The following TYW1B variants were observed in gnomAD, a reference collection of about 807,000 sequenced individuals.
The protein encoded by TYW1B is S-adenosyl-L-methionine-dependent tRNA 4-demethylwyosine synthase TYW1B.
A neutral mutation model predicts 86.9 loss-of-function variants in TYW1B; 73 were observed. That is an observed-to-expected ratio of 0.84 (90% CI 0.70 to 1.02). The LOEUF is 1.02. Among genes scored for constraint, TYW1B ranks in the 50% least tolerant of loss-of-function variants. TYW1B has a pLI of 0.00. For missense variants in TYW1B, 637 were observed against 827.4 expected, an observed-to-expected ratio of 0.77 and a Z score of 2.82; for synonymous variants, 248 against 292.8, an observed-to-expected ratio of 0.85 and a Z score of 1.56.
intron 11 of TYW1B, among the ~76,000 whole-genome samples, chr7:72,637,702 A>C (rs1812705868): frequency 1.3e-5 from 2 of 151,908 alleles, no homozygotes; most frequent in African/African-American, 2.4e-5. Context: ...AAAAAAAAAA[A>C]AAAACATTGT....
At chr7:72,749,921 T>G (rs184995321) in intron 7 of TYW1B, among the ~76,000 whole-genome samples, 1 of 148,426 alleles carries the variant, frequency 6.7e-6, no homozygotes, top group Non-Finnish European at 1.5e-5. Context: ...TGTTTTTTTT[T>G]TTTTTTTGAG....
intron 13 of TYW1B, among the ~76,000 whole-genome samples, chr7:72,586,739 AAAT>A (rs375819364): frequency 1.7e-4 from 26 of 148,616 alleles, no homozygotes; most frequent in African/African-American, 2.5e-4. Flanking sequence ...GCCCATCTCA[AAAT>A]AATAATAATA....
intron 13 of TYW1B, among the ~76,000 whole-genome samples, chr7:72,584,482 G>A (rs1239734762): frequency 9.3e-5 from 14 of 150,586 alleles, no homozygotes; most frequent in African/African-American, 3.4e-4. Context: ...TTTTGAGATG[G>A]AGTCTCACTC....
chr7:72,586,566 G>A (rs1286531211), intron 13 of TYW1B, among the ~76,000 whole-genome samples: 4 of 152,072 alleles, frequency 2.6e-5, no homozygotes, highest in South Asian at 2.1e-4. Context: ...GTGAAACCCC[G>A]TCTCTACTAA....
chr7:72,693,253 T>C (rs1236656108), intron 11 of TYW1B, among the ~76,000 whole-genome samples: 1 of 152,024 alleles, frequency 6.6e-6, no homozygotes, highest in Non-Finnish European at 1.5e-5. Context: ...AAAAGGAAGC[T>C]AAGTATGCCA....
At chr7:72,743,928 T>G (rs1787350018) in intron 8 of TYW1B, among the ~76,000 whole-genome samples, 1 of 152,018 alleles carries the variant, frequency 6.6e-6, no homozygotes. Context: ...GGCAGAATTG[T>G]GCAATTTAGC....
chr7:72,804,913 C>T (rs758660038), intron 5 of TYW1B, among the ~76,000 whole-genome samples: 2 of 152,152 alleles, frequency 1.3e-5, no homozygotes, highest in Non-Finnish European at 2.9e-5. Context: ...GATAACTTCT[C>T]CTTAGACTCA....
chr7:72,808,114 A>T (rs1445503622), intron 4 of TYW1B, among the ~76,000 whole-genome samples: 6 of 151,808 alleles, frequency 4.0e-5, no homozygotes, highest in South Asian at 2.1e-4. Flanking sequence ...AAAAAAAAAA[A>T]TTTACATATC....
At chr7:72,585,862 T>C (rs2129567702) in intron 13 of TYW1B, among the ~76,000 whole-genome samples, 1 of 152,274 alleles carries the variant, frequency 6.6e-6, no homozygotes, top group African/African-American at 2.4e-5. Context: ...AACACACTAC[T>C]ATAGGCAAGG....
In TYW1B at chr7:72,682,623, A is replaced by C. The variant is rs2844211; in HGVS notation, c.1506+12064T>G. Among the ~76,000 whole-genome samples, 21 of 152,332 alleles carry C rather than the reference A, an allele frequency of 1.4e-4. No individual in the cohort carries two copies. The East Asian group carries it at 1.9e-3, about 14-fold the overall frequency. ...CAATGCAGCAAGAAAGTTGCTTGGA[A>C]GTCATCACTGTGTCTTAACAAGTAA... is the stretch of plus-strand genomic sequence containing the variant. On this transcript the variant is annotated intron_variant, in intron 11 of 13. Coordinates refer to ENST00000620995, the MANE Select transcript of TYW1B (RefSeq NM_001145440.3).
At chr7:72,611,669 G>A (rs1201878561) in intron 13 of TYW1B, among the ~76,000 whole-genome samples, 1 of 152,136 alleles carries the variant, frequency 6.6e-6, no homozygotes, top group Non-Finnish European at 1.5e-5. Flanking sequence ...GACAAATACA[G>A]GGACCATTGT....
intron 7 of TYW1B, among the ~76,000 whole-genome samples, chr7:72,751,107 G>A (rs1787493015): frequency 6.6e-6 from 1 of 150,780 alleles, no homozygotes; most frequent in East Asian, 1.9e-4. Context: ...GTATGATCTT[G>A]GCTCACTGCA....
At chr7:72,603,378 G>T (rs573204011) in intron 13 of TYW1B, among the ~76,000 whole-genome samples, 39 of 152,270 alleles carry the variant, frequency 2.6e-4, no homozygotes, top group Non-Finnish European at 1.2e-4. Flanking sequence ...ATAGACAGAT[G>T]ATGGATGGAT....
At chr7:72,749,356 C>T (rs1224185915) in intron 7 of TYW1B, among the ~76,000 whole-genome samples, 3 of 152,094 alleles carry the variant, frequency 2.0e-5, no homozygotes, top group South Asian at 2.1e-4. Flanking sequence ...TGCAGTGGCA[C>T]GATCTCGGCT....
chr7:72,578,207 G>C (rs1236672513), intron 13 of TYW1B, among the ~76,000 whole-genome samples: 1 of 149,578 alleles, frequency 6.7e-6, no homozygotes, highest in Non-Finnish European at 1.5e-5. Flanking sequence ...TCTGCCTCCC[G>C]GGTTCTTGCC....
rs528399924 is a variant in TYW1B, at chr7:72,585,933, C to A, written c.1786-10214G>T. Among the ~76,000 whole-genome samples the A allele has an allele frequency of 2.6e-4, 39 of 152,300 alleles. 1 individual carries two copies. Among genetic ancestry groups the A allele is most frequent in the Non-Finnish European group, 5.1e-4 (35 of 68,026 alleles). ...TAGCCATCACAATCACCCCAGAAAA[C>A]AGAGCTACTCCCATATTGCAGTTAA... On this transcript the variant is annotated intron_variant, in intron 13 of 13. Coordinates refer to ENST00000620995, the MANE Select transcript of TYW1B (RefSeq NM_001145440.3).
At chr7:72,783,105 A>G (rs748444369) in intron 6 of TYW1B, among the ~76,000 whole-genome samples, 10 of 152,022 alleles carry the variant, frequency 6.6e-5, no homozygotes, top group Non-Finnish European at 1.0e-4. Flanking sequence ...AACTTTCAAT[A>G]TTAAAAACTC....
chr7:72,596,218 C>T (rs1437782996), intron 13 of TYW1B, among the ~76,000 whole-genome samples: 2 of 149,180 alleles, frequency 1.3e-5, no homozygotes, highest in East Asian at 3.9e-4. Context: ...ATCAACACTA[C>T]CCAAAGTTAC....
chr7:72,717,704 T>C (rs58405614), intron 9 of TYW1B, among the ~76,000 whole-genome samples: 106,975 of 151,456 alleles, frequency 0.71, 38,475 homozygotes, highest in Non-Finnish European at 0.77. Flanking sequence ...CTCTTCCTCC[T>C]ACACCTTAGA....
Sources: allele counts gnomAD v4.1 joint callset (sites outside exome capture counted in the v4.1 genomes callset), GRCh38; gene constraint gnomAD v4.1.1; transcripts MANE v1.5; gene names NCBI Gene and HGNC (gene_info 2026-07-23, HGNC 2026-07-21).